The following RWDD1 variants were observed in gnomAD, a reference collection of about 807,000 sequenced individuals.
RWDD1 encodes the protein RWD domain containing 1, also known as RWD domain-containing protein 1.
RWDD1 carries 17 observed loss-of-function variants against 31.6 expected under a neutral mutation model. The ratio of observed to expected loss-of-function variants is 0.54; its 90% CI spans 0.37 to 0.81. RWDD1 has a LOEUF of 0.81. Ranked by LOEUF, RWDD1 falls within the 30% of genes least tolerant of loss-of-function variation. The probability of loss-of-function intolerance (pLI) is 0.00; values close to 1 mark genes in which losing one functional copy is unlikely to be tolerated. For missense variants in RWDD1, 204 were observed against 274.5 expected (o/e 0.74, Z 1.82); for synonymous variants, 78 against 94.2 (o/e 0.83, Z 0.99).
At chr6:116,580,207 C>T (rs1192434745) in intron 1 of RWDD1, 88 bp from the exon 2 acceptor site, 1 of 828,876 alleles carries the variant, frequency 1.2e-6, no homozygotes, top group East Asian at 2.7e-5. Context: ...GGACCAGTTT[C>T]TAGGACTGGG....
chr6:116,581,194 T>C (rs964957751), intron 2 of RWDD1, among the ~76,000 whole-genome samples: 31 of 152,086 alleles, frequency 2.0e-4, no homozygotes, highest in Admixed American at 1.2e-3. Flanking sequence ...CTTTTGCAGA[T>C]TGGTATCTAA....
chr6:116,592,497 C>T (rs1193951149), intron 6 of RWDD1, among the ~76,000 whole-genome samples: 1 of 152,144 alleles, frequency 6.6e-6, no homozygotes, highest in Admixed American at 6.5e-5. Flanking sequence ...TTCCTGTAGG[C>T]TTTAGACATT....
intron 2 of RWDD1, among the ~76,000 whole-genome samples, chr6:116,584,214 G>T (rs1774998479): frequency 6.6e-6 from 1 of 152,078 alleles, no homozygotes. Context: ...GATGAATTAG[G>T]TTAAAAGTTT....
At chr6:116,579,168 G>A (rs1438420234) in intron 1 of RWDD1, among the ~76,000 whole-genome samples, 4 of 152,206 alleles carry the variant, frequency 2.6e-5, no homozygotes, top group Non-Finnish European at 5.9e-5. Context: ...GAGCCACTGT[G>A]CCCGGCCAGA....
Position 116,584,853 on chromosome 6 carries a change from T to C in RWDD1, c.266T>C (p.Leu89Ser). 1 of 1,574,892 alleles carries C rather than the reference T, an allele frequency of 6.3e-7. No individual in the cohort carries two copies. Among genetic ancestry groups the C allele is most frequent in the Non-Finnish European group, 8.7e-7 (1 of 1,145,270 alleles). Residue 89 changes from leucine (L) to serine (S), a missense_variant, in exon 3 of 7, where the codon TTA (leucine) becomes TCA (serine). Leu to Ser is a moderately radical substitution (Grantham distance 145). Coordinates refer to ENST00000466444, the MANE Select transcript of RWDD1 (RefSeq NM_015952.4). ...DVSDILKLLA[L>S]QAEENLGMVM... is the part of the protein sequence containing the mutation. ...TCAGACATTTTAAAATTACTAGCAT[T>C]ACAGGTAAGGAAATAATAATTTTAT...
intron 1 of RWDD1, among the ~76,000 whole-genome samples, chr6:116,575,483 G>C (rs1774822856): frequency 6.6e-6 from 1 of 152,124 alleles, no homozygotes; most frequent in South Asian, 2.1e-4. Context: ...GTAATGCATG[G>C]TAATGGGATT....
rs200752103 is a variant in RWDD1 at position 116,589,072 on chromosome 6, A to AT, written c.414+95dup. 2.7e-4 allele frequency: 291 copies of AT among 1,077,806 alleles called. No individual in the cohort carries two copies. In the Middle Eastern group the frequency reaches 4.2e-3, roughly 15 times the overall value. The allele number at this position is 1,077,806 out of a possible 1,614,324, so 66.8% of individuals were successfully genotyped here. A position where few individuals can be genotyped will look rare whatever the true frequency, so the allele number is the denominator to read the frequency against. Reference sequence around the variant, plus strand: ...GGGTTTTTTTTTAATCAATAGCAGTATTTTTTTTGGAAATCACAAAAATAA... The same window carrying AT: ...GGGTTTTTTTTTAATCAATAGCAGTATTTTTTTTTGGAAATCACAAAAATAA... On this transcript the variant is annotated intron_variant, in intron 4 of 6. Coordinates refer to ENST00000466444, the MANE Select transcript of RWDD1 (RefSeq NM_015952.4).
rs1460811184 is a variant in RWDD1, at chr6:116,596,307, A to C, written c.*3206A>C. 1.3e-5 allele frequency: 2 copies of C among 152,244 alleles called. No homozygotes were observed. The highest frequency in any genetic ancestry group is 2.9e-5 in the Non-Finnish European group (2 of 68,044). The allele number at this position is 152,244 out of a possible 1,614,324, so 9.4% of individuals were successfully genotyped here. A position where few individuals can be genotyped will look rare whatever the true frequency, so the allele number is the denominator to read the frequency against. ...GAAATGTGAGTTTATGTAAACATGTAAATTTGAGTAGCATTAGTTTGTTTT... is the reference window on the plus strand; with the variant it reads ...GAAATGTGAGTTTATGTAAACATGTCAATTTGAGTAGCATTAGTTTGTTTT... On this transcript the variant is annotated 3_prime_UTR_variant, in exon 7 of 7. Transcript: ENST00000466444.
intron 4 of RWDD1, among the ~76,000 whole-genome samples, chr6:116,589,758 A>C (rs1775105225): frequency 6.6e-6 from 1 of 152,156 alleles, no homozygotes; most frequent in African/African-American, 2.4e-5. Context: ...CTTACATGGC[A>C]GCGGCAAGAG....
chr6:116,594,172 C>A lies in RWDD1; in HGVS notation c.*1071C>A, dbSNP rs1468204941. Reference sequence around the variant, plus strand: ...GGAACTCCCTCACCCCTGCTCCCCACAGGAAGGCATTAATCTATTTATGAG... The same window carrying A: ...GGAACTCCCTCACCCCTGCTCCCCAAAGGAAGGCATTAATCTATTTATGAG... On this transcript the variant is annotated 3_prime_UTR_variant, in exon 7 of 7. Transcript: ENST00000466444. 1 of 150,990 alleles carries A rather than the reference C, an allele frequency of 6.6e-6. No individual in the cohort carries two copies. Among genetic ancestry groups the A allele is most frequent in the Non-Finnish European group, 1.5e-5 (1 of 67,810 alleles). 9.4% of individuals were successfully genotyped at this position (150,990 alleles called of 1,614,324 possible).
At chr6:116,576,770 A>T (rs1583329647) in intron 1 of RWDD1, among the ~76,000 whole-genome samples, 2 of 152,190 alleles carry the variant, frequency 1.3e-5, no homozygotes, top group South Asian at 4.1e-4. Context: ...GGGAAAGGGT[A>T]TTCCAGCCTG....
At chr6:116,573,040 C>T (rs1320042180) in intron 1 of RWDD1, 1 of 965,512 alleles carries the variant, frequency 1.0e-6, no homozygotes, top group Non-Finnish European at 1.2e-6. Context: ...ATGTGTATGT[C>T]TAAAATAGAA....
At chr6:116,590,458 A>G in intron 5 of RWDD1, 54 bp downstream of exon 5, 3 of 1,496,588 alleles carry the variant, frequency 2.0e-6, no homozygotes, top group Non-Finnish European at 2.7e-6. Flanking sequence ...ATCATTTTTT[A>G]TATAGCAAGA....
Position 116,593,146 on chromosome 6 carries a change from G to A in RWDD1, c.*45G>A. On this transcript the variant is annotated 3_prime_UTR_variant, in exon 7 of 7. Coordinates refer to ENST00000466444, the MANE Select transcript of RWDD1 (RefSeq NM_015952.4). ...GAGAGGCTTGACTGCCACAGCATCT[G>A]TGGCTATGCTCAGAGGGTTATGATT... 1 of 1,572,940 alleles carries A rather than the reference G, an allele frequency of 6.4e-7. No homozygotes were observed.
chr6:116,579,449 CT>C (rs1223178348), intron 1 of RWDD1, among the ~76,000 whole-genome samples: 1 of 152,148 alleles, frequency 6.6e-6, no homozygotes, highest in Admixed American at 6.5e-5. Context: ...TTCTTTGTTA[CT>C]GTTTTTCCTC....
At chr6:116,591,143 T>C (rs898910500) in intron 6 of RWDD1, among the ~76,000 whole-genome samples, 193 bp downstream of exon 6, 1 of 151,788 alleles carries the variant, frequency 6.6e-6, no homozygotes, top group Non-Finnish European at 1.5e-5. Flanking sequence ...GTAGTCTCTT[T>C]AATTTTGAAC....
At chr6:116,578,315 A>G (rs534855528) in intron 1 of RWDD1, among the ~76,000 whole-genome samples, 4 of 152,326 alleles carry the variant, frequency 2.6e-5, no homozygotes, top group East Asian at 3.9e-4. Flanking sequence ...TCTTAGTGGT[A>G]TGTAAAGCAT....
At position 116,595,055 on chromosome 6, in the gene RWDD1, A is replaced by C. The variant is rs947509094; in HGVS notation, c.*1954A>C. 1.3e-5 allele frequency: 2 copies of C among 152,240 alleles called. No individual in the cohort carries two copies. The highest frequency in any genetic ancestry group is 4.8e-5 in the African/African-American group (2 of 41,472). 9.4% of individuals were successfully genotyped at this position (152,240 alleles called of 1,614,324 possible). A position where few individuals can be genotyped will look rare whatever the true frequency, so the allele number is the denominator to read the frequency against. ...AGAGAGAAATCCAAAAGTTTGTCCT[A>C]TGTGAGATTTTGCTTTTCCCATCTT... On this transcript the variant is annotated 3_prime_UTR_variant, in exon 7 of 7. Transcript: ENST00000466444.
intron 1 of RWDD1, among the ~76,000 whole-genome samples, chr6:116,579,459 T>C (rs1774910906): frequency 6.6e-6 from 1 of 152,218 alleles, no homozygotes; most frequent in Non-Finnish European, 1.5e-5. Context: ...CTGTTTTTCC[T>C]CCTTTCATTC....
Sources: allele counts gnomAD v4.1 joint callset (sites outside exome capture counted in the v4.1 genomes callset), GRCh38; gene constraint gnomAD v4.1.1; transcripts MANE v1.5; gene names NCBI Gene and HGNC (gene_info 2026-07-23, HGNC 2026-07-21).